Variants in UBN1 observed in about 807,000 individuals in gnomAD.
The protein encoded by UBN1 is ubinuclein-1.
A neutral mutation model predicts 108.5 loss-of-function variants in UBN1; 17 were observed. The observed-to-expected ratio is 0.16, with a 90% CI of 0.11 to 0.24. The LOEUF is 0.24. Ranked by LOEUF, UBN1 falls within the 10% of genes least tolerant of loss-of-function variation. UBN1 has a pLI of 1.00. For missense variants in UBN1, 1,595 were observed against 1,394.4 expected (o/e 1.14, Z -2.29); for synonymous variants, 726 against 564.2 (o/e 1.29, Z -4.07).
intron 7 of UBN1, 131 bp from the exon 8 acceptor site, chr16:4,868,702 G>A: frequency 1.3e-6 from 1 of 771,476 alleles, no homozygotes; most frequent in Non-Finnish European, 2.1e-6. Flanking sequence ...CTAGGGTGGA[G>A]TTGGAAAGGT....
At chr16:4,862,935 G>T (rs1007415786) in intron 7 of UBN1, among the ~76,000 whole-genome samples, 5 of 152,226 alleles carry the variant, frequency 3.3e-5, no homozygotes, top group African/African-American at 9.6e-5. Flanking sequence ...CTGGGTCCCA[G>T]TGGGGAGCTG....
intron 1 of UBN1, among the ~76,000 whole-genome samples, chr16:4,849,519 T>A (rs967985809): frequency 4.6e-5 from 7 of 152,104 alleles, no homozygotes; most frequent in African/African-American, 1.7e-4. Flanking sequence ...TTGCTGAGGA[T>A]AACCAAGGGA....
At chr16:4,873,132 T>G in intron 14 of UBN1, 59 bp downstream of exon 14, 2 of 1,606,818 alleles carry the variant, frequency 1.2e-6, no homozygotes, top group Non-Finnish European at 1.7e-6. Flanking sequence ...AACTATGCTC[T>G]GGAAACAGTC....
At chr16:4,873,877 A>G (rs2087754496) in intron 14 of UBN1, among the ~76,000 whole-genome samples, 1 of 152,244 alleles carries the variant, frequency 6.6e-6, no homozygotes, top group Non-Finnish European at 1.5e-5. Context: ...GCGCTGAGAC[A>G]GTGGGAATGC....
At chr16:4,869,408 G>GA (rs1436822830) in intron 8 of UBN1, among the ~76,000 whole-genome samples, 1 of 152,244 alleles carries the variant, frequency 6.6e-6, no homozygotes, top group African/African-American at 2.4e-5. Flanking sequence ...CACGCTGTGT[G>GA]AATCGGGTTA....
rs945882757 is a variant in UBN1, at chr16:4,856,672, T to C, written c.250-1318T>C. On this transcript the variant is annotated intron_variant, in intron 2 of 17. Transcript: ENST00000262376. Reference sequence around the variant, plus strand: ...TCATACAGTCAGGAAATGGTAGTTATTGGAAGACTGCTGTTGGCAAGGCGT... The same window carrying C: ...TCATACAGTCAGGAAATGGTAGTTACTGGAAGACTGCTGTTGGCAAGGCGT... 5.3e-5 allele frequency among the ~76,000 whole-genome samples: 8 copies of C among 152,216 alleles called. No individual in the cohort carries two copies. The South Asian group carries it at 1.4e-3, about 28-fold the overall frequency.
At position 4,877,689 on chromosome 16, in the gene UBN1, T is replaced by G; in HGVS notation, c.3355+215T>G. Reference sequence around the variant, plus strand: ...GTCCCCACTTGGAGCTGCCGCCAGGTCAGCCTCAGCCTGTGTGATCACAGG... The same window carrying G: ...GTCCCCACTTGGAGCTGCCGCCAGGGCAGCCTCAGCCTGTGTGATCACAGG... On this transcript the variant is annotated intron_variant, in intron 17 of 17. Transcript: ENST00000262376. This position sits in a 1 kb window ranked among gnomAD's most constrained non-coding sequence, Gnocchi z 4.3. 8.0e-7 allele frequency: 1 copy of G among 1,252,448 alleles called. No homozygotes were observed. Among genetic ancestry groups the G allele is most frequent in the East Asian group, 3.2e-5 (1 of 30,980 alleles). 77.6% of individuals were successfully genotyped at this position (1,252,448 alleles called of 1,614,324 possible).
intron 4 of UBN1, 112 bp from the exon 5 acceptor site, chr16:4,858,913 C>T: frequency 7.2e-7 from 1 of 1,384,438 alleles, no homozygotes; most frequent in Non-Finnish European, 9.9e-7. Context: ...GATGTTTTAG[C>T]ATGCTCTTGG....
intron 7 of UBN1, among the ~76,000 whole-genome samples, chr16:4,866,493 A>G (rs2087338069): frequency 6.6e-6 from 1 of 152,168 alleles, no homozygotes; most frequent in African/African-American, 2.4e-5. Context: ...ACTGATGAAT[A>G]AGACTCAGTT....
chr16:4,856,710 A>G (rs980577146), intron 2 of UBN1, among the ~76,000 whole-genome samples: 1 of 152,348 alleles, frequency 6.6e-6, no homozygotes, highest in Middle Eastern at 3.4e-3. Flanking sequence ...AGTAGTATAC[A>G]TAGAATCCAG....
rs186807988 is a variant in UBN1 at position 4,848,775 on chromosome 16, G to A, written c.-40+565G>A. On this transcript the variant is annotated intron_variant, in intron 1 of 17. Coordinates refer to ENST00000262376, the MANE Select transcript of UBN1 (RefSeq NM_001079514.3). ...TGTTTAAAAATTCTGAATTTGTGAG[G>A]AATTGAATGAGATTTTAATAACTTA... Among the ~76,000 whole-genome samples, 333 of 152,294 alleles carry A rather than the reference G, an allele frequency of 2.2e-3. 2 individuals carry two copies. Among genetic ancestry groups the A allele is most frequent in the African/African-American group, 7.7e-3 (318 of 41,554 alleles).
At chr16:4,854,186 A>G (rs2086686792) in intron 2 of UBN1, among the ~76,000 whole-genome samples, 1 of 151,900 alleles carries the variant, frequency 6.6e-6, no homozygotes, top group Admixed American at 6.6e-5. Context: ...GGCGTCCGCC[A>G]CCACGCCCGG....
intron 1 of UBN1, among the ~76,000 whole-genome samples, chr16:4,850,011 G>T (rs1214659032): frequency 1.3e-5 from 2 of 149,304 alleles, no homozygotes; most frequent in African/African-American, 5.0e-5. Flanking sequence ...GGCAACTCTC[G>T]TAAGTCTAAT....
chr16:4,871,068 T>G, intron 11 of UBN1, 87 bp from the exon 12 acceptor site: 1 of 1,601,412 alleles, frequency 6.2e-7, no homozygotes, highest in East Asian at 2.2e-5. Context: ...TCATTTACTT[T>G]CATCAGGGCT....
intron 3 of UBN1, 72 bp from the exon 4 acceptor site, chr16:4,858,496 T>A: frequency 7.2e-7 from 1 of 1,382,400 alleles, no homozygotes; most frequent in Non-Finnish European, 1.0e-6. Context: ...TCATAGCTGA[T>A]GAAGTTCAAG....
intron 11 of UBN1, 85 bp downstream of exon 11, chr16:4,871,057 C>G (rs181440281): frequency 6.2e-7 from 1 of 1,602,212 alleles, no homozygotes; most frequent in Non-Finnish European, 8.5e-7. Flanking sequence ...AAAGGTTAGG[C>G]TCATTTACTT....
intron 17 of UBN1, among the ~76,000 whole-genome samples, chr16:4,878,045 A>G (rs2087966517): frequency 6.6e-6 from 1 of 152,196 alleles, no homozygotes; most frequent in Non-Finnish European, 1.5e-5. Context: ...GTGGGAGCAC[A>G]GCAGGCATGT....
rs1031714753 is a variant in UBN1 at position 4,877,488 on chromosome 16, G to A, written c.3355+14G>A. The A allele has an allele frequency of 1.2e-6, 2 of 1,605,600 alleles. No homozygotes were observed. Among genetic ancestry groups the A allele is most frequent in the African/African-American group, 1.3e-5 (1 of 74,772 alleles). On this transcript the variant is annotated intron_variant, in intron 17 of 17. Coordinates refer to ENST00000262376, the MANE Select transcript of UBN1 (RefSeq NM_001079514.3). The surrounding 1 kb of genome is among the most constrained non-coding windows in gnomAD (Gnocchi z 4.3). Reference sequence around the variant, plus strand: ...AGAGTCTGCCAGGTAATCACCCGACGGTCAGTGTGCCACGCGCACCGTGTG... The same window carrying A: ...AGAGTCTGCCAGGTAATCACCCGACAGTCAGTGTGCCACGCGCACCGTGTG...
In UBN1 at chr16:4,847,488, TC is replaced by T. The variant is rs2086250053; in HGVS notation, c.-757del. ...CGGAGCGCAGAGACTCCCGGCTCCT[TC>T]CCCCTCCCTTCGGCTCGTGACAACG... On this transcript the variant is annotated 5_prime_UTR_variant, in exon 1 of 18. Transcript: ENST00000262376. 4 of 567,786 alleles carry T rather than the reference TC, an allele frequency of 7.0e-6. No homozygotes were observed. Among genetic ancestry groups the T allele is most frequent in the African/African-American group, 2.0e-5 (1 of 49,552 alleles). 35.2% of individuals were successfully genotyped at this position (567,786 alleles called of 1,614,324 possible).
Sources: allele counts gnomAD v4.1 joint callset (sites outside exome capture counted in the v4.1 genomes callset), GRCh38; gene constraint gnomAD v4.1.1; non-coding constraint Gnocchi (gnomAD v3.1); transcripts MANE v1.5; gene names NCBI Gene and HGNC (gene_info 2026-07-23, HGNC 2026-07-21).